The following HS6ST2 variants were observed in gnomAD, a reference collection of about 807,000 sequenced individuals.
The protein encoded by HS6ST2 is heparan sulfate 6-O-sulfotransferase 2, also known as heparan-sulfate 6-O-sulfotransferase 2.
In HS6ST2, 17 loss-of-function variants were observed where a neutral mutation model predicts 33.0. The observed-to-expected ratio is 0.52, with a 90% CI of 0.35 to 0.77. The LOEUF is 0.77. Among genes scored for constraint, HS6ST2 ranks in the 30% least tolerant of loss-of-function variants. The probability of loss-of-function intolerance (pLI) is 0.01; values close to 1 mark genes in which losing one functional copy is unlikely to be tolerated. For synonymous variants in HS6ST2, 248 were observed against 237.1 expected, an observed-to-expected ratio of 1.05 and a Z score of -0.42; for missense variants, 519 against 551.7, an observed-to-expected ratio of 0.94 and a Z score of 0.59.
intron 2 of HS6ST2, among the ~76,000 whole-genome samples, chrX:132,820,610 C>T (rs979361478): frequency 3.6e-5 from 4 of 111,975 alleles, no homozygotes; most frequent in African/African-American, 1.3e-4. Flanking sequence ...ATCCAGGGAG[C>T]TGTGGGCAAA....
chrX:132,755,917 G>T (rs1303442386), intron 2 of HS6ST2, among the ~76,000 whole-genome samples: 1 of 111,793 alleles, frequency 8.9e-6, no homozygotes, highest in East Asian at 2.8e-4. Flanking sequence ...AAGCAATCTG[G>T]CTTCAGGTCA....
chrX:132,727,114 T>C (rs2064400036), intron 2 of HS6ST2, among the ~76,000 whole-genome samples: 1 of 110,314 alleles, frequency 9.1e-6, no homozygotes. Flanking sequence ...TACTTTAAGG[T>C]TCATTTGAAA....
chrX:132,739,257 G>A, intron 2 of HS6ST2, among the ~76,000 whole-genome samples: 1 of 111,207 alleles, frequency 9.0e-6, no homozygotes, highest in Non-Finnish European at 1.9e-5. Context: ...CTGAACCAGT[G>A]TGTCAGGTAG....
chrX:132,783,854 C>T (rs766643300), intron 2 of HS6ST2, among the ~76,000 whole-genome samples: 3 of 111,435 alleles, frequency 2.7e-5, no homozygotes, highest in Non-Finnish European at 5.7e-5. Context: ...AGTCTCCTCT[C>T]CATAGACTTT....
At chrX:132,629,736 G>C (rs902113033) in intron 4 of HS6ST2, among the ~76,000 whole-genome samples, 1 of 112,046 alleles carries the variant, frequency 8.9e-6, no homozygotes, top group Non-Finnish European at 1.9e-5. Flanking sequence ...GAGATAGGCA[G>C]AGTAGCCCAG....
intron 3 of HS6ST2, among the ~76,000 whole-genome samples, chrX:132,676,961 G>A (rs1297938055): frequency 8.9e-6 from 1 of 112,498 alleles, no homozygotes; most frequent in Non-Finnish European, 1.9e-5. Flanking sequence ...CTCTGCAAAA[G>A]CTCCTCTTTC....
intron 3 of HS6ST2, among the ~76,000 whole-genome samples, chrX:132,698,608 A>G (rs983630250): frequency 1.8e-5 from 2 of 111,923 alleles, no homozygotes; most frequent in Admixed American, 9.5e-5. Context: ...AACTTTTATC[A>G]ATCAATTTGA....
At chrX:132,904,870 G>T (rs1326193800) in intron 2 of HS6ST2, among the ~76,000 whole-genome samples, 1 of 110,266 alleles carries the variant, frequency 9.1e-6, no homozygotes, top group African/African-American at 3.3e-5. Context: ...TACACTCACA[G>T]AATTGAGTAA....
At chrX:132,803,267 T>C (rs1487782237) in intron 2 of HS6ST2, among the ~76,000 whole-genome samples, 1 of 111,784 alleles carries the variant, frequency 8.9e-6, no homozygotes, top group Non-Finnish European at 1.9e-5. Flanking sequence ...CTTGTTTTCC[T>C]AGTATCTTGC....
At chrX:132,655,975 T>C (rs995365544) in intron 4 of HS6ST2, among the ~76,000 whole-genome samples, 12 of 111,514 alleles carry the variant, frequency 1.1e-4, no homozygotes, top group African/African-American at 3.9e-4. Context: ...AAATGGTCTT[T>C]CTTCCCCTAC....
At chrX:132,812,414 T>TAA (rs749205902) in intron 2 of HS6ST2, among the ~76,000 whole-genome samples, 1 of 78,284 alleles carries the variant, frequency 1.3e-5, no homozygotes, top group East Asian at 7.6e-4. Flanking sequence ...CAAATAATAA[T>TAA]AATAATAATA....
At chrX:132,925,035 C>T (rs1269257151) in intron 2 of HS6ST2, among the ~76,000 whole-genome samples, 2 of 111,026 alleles carry the variant, frequency 1.8e-5, no homozygotes, top group South Asian at 3.9e-4. Flanking sequence ...GAGCTGTGAT[C>T]GCGCCACTGC....
chrX:132,641,175 G>A (rs1055088799), intron 4 of HS6ST2, among the ~76,000 whole-genome samples: 2 of 112,540 alleles, frequency 1.8e-5, no homozygotes, highest in African/African-American at 6.5e-5. Context: ...ATGCAGTCTC[G>A]CTCTGTCTCC....
chrX:132,960,172 G>A (rs1232276766), upstream of HS6ST2, among the ~76,000 whole-genome samples: 3 of 111,864 alleles, frequency 2.7e-5, no homozygotes, highest in Middle Eastern at 4.2e-3. Context: ...GCTTCCCCAA[G>A]AGCTCCCCTG....
intron 2 of HS6ST2, among the ~76,000 whole-genome samples, chrX:132,756,047 C>T (rs1317378099): frequency 1.8e-5 from 2 of 111,613 alleles, no homozygotes; most frequent in East Asian, 2.8e-4. Flanking sequence ...TTCCAGGCCT[C>T]GGCCCAGCCC....
chrX:132,869,480 C>T (rs756382579), intron 2 of HS6ST2, among the ~76,000 whole-genome samples: 1 of 111,820 alleles, frequency 8.9e-6, no homozygotes, highest in Non-Finnish European at 1.9e-5. Flanking sequence ...AAATTTCAGG[C>T]CAATATCCTT....
Position 132,958,433 on chromosome X carries a change from C to G in HS6ST2, c.170G>C (p.Gly57Ala), listed in dbSNP as rs1182873845. The G allele has an allele frequency of 1.7e-6, 2 of 1,198,252 alleles. No individual in the cohort carries two copies. Among genetic ancestry groups the G allele is most frequent in the Non-Finnish European group, 2.2e-6 (2 of 891,926 alleles). ...CCGGGTGTGGAATCCGTGAGACACA[C>G]CCCTAGGAGGGCCCGCGCGAACTGA... ...AASVRAGPPR[G>A]VSHGFHTRPL... The change falls in exon 1 of 5, where the codon GGT becomes GCT. Residue 57 changes from glycine to alanine, a missense_variant. By Grantham distance (60) the Gly-to-Ala change is moderately conservative (BLOSUM62 0). Transcript: ENST00000370833.
chrX:132,876,143 C>T (rs1212739145), intron 2 of HS6ST2, among the ~76,000 whole-genome samples: 1 of 111,652 alleles, frequency 9.0e-6, no homozygotes, highest in Non-Finnish European at 1.9e-5. Flanking sequence ...TTGTGTAATC[C>T]TCTGAGCACC....
intron 2 of HS6ST2, among the ~76,000 whole-genome samples, chrX:132,806,134 A>G (rs897030079): frequency 8.2e-5 from 9 of 110,299 alleles, no homozygotes; most frequent in African/African-American, 2.9e-4. Flanking sequence ...CAAGCAATTC[A>G]ATTCATCTTA....
Sources: gnomAD v4.1 joint callset for allele counts (sites outside exome capture counted in the v4.1 genomes callset) on GRCh38, gnomAD v4.1.1 for gene constraint, MANE v1.5 for transcripts, NCBI Gene and HGNC (gene_info 2026-07-23, HGNC 2026-07-21) for gene names.